Variants in HS6ST2 observed in about 807,000 individuals in gnomAD.
HS6ST2 encodes the protein heparan sulfate 6-O-sulfotransferase 2, also known as heparan-sulfate 6-O-sulfotransferase 2.
A neutral mutation model predicts 33.0 loss-of-function variants in HS6ST2; 17 were observed. That is an observed-to-expected ratio of 0.52 (90% CI 0.35 to 0.77). The LOEUF (loss-of-function observed/expected upper bound fraction) is 0.77. Ranked by LOEUF, HS6ST2 falls within the 30% of genes least tolerant of loss-of-function variation. The pLI, the probability that HS6ST2 is intolerant of heterozygous loss-of-function variation, is 0.01. For missense variants in HS6ST2, 519 were observed against 551.7 expected, an observed-to-expected ratio of 0.94 and a Z score of 0.59; for synonymous variants, 248 against 237.1, an observed-to-expected ratio of 1.05 and a Z score of -0.42.
chrX:132,797,188 G>A (rs925296104), intron 2 of HS6ST2, among the ~76,000 whole-genome samples: 7 of 111,680 alleles, frequency 6.3e-5, no homozygotes, highest in African/African-American at 2.3e-4. Context: ...AAGACACAAA[G>A]ATTCAATTAA....
rs930320430 is a variant in HS6ST2 at position 132,628,389 on chromosome X, G to A, written c.1772C>T (p.Pro591Leu). 3.4e-6 allele frequency: 4 copies of A among 1,187,311 alleles called. No homozygotes were observed. Among genetic ancestry groups the A allele is most frequent in the East Asian group, 3.0e-5 (1 of 33,267 alleles). The change falls in exon 5 of 5, where the codon CCG becomes CTG. Residue 591 changes from proline (P) to leucine (L), a missense_variant. Physicochemically the swap from Pro to Leu is moderately conservative, Grantham distance 98. Coordinates refer to ENST00000370833, the MANE Select transcript of HS6ST2 (RefSeq NM_001394073.1). ...PNQNQSQNPN[P>L]NANQNLTQNL... ...CTGAGTCAGGTTCTGATTGGCATTC[G>A]GATTTGGGTTCTGACTCTGATTCTG...
intron 2 of HS6ST2, among the ~76,000 whole-genome samples, chrX:132,831,038 A>G: frequency 8.9e-6 from 1 of 111,959 alleles, no homozygotes; most frequent in East Asian, 2.8e-4. Flanking sequence ...TAAAGATTTC[A>G]AAGAAGATGT....
chrX:132,678,575 G>A (rs2063942653), intron 3 of HS6ST2, among the ~76,000 whole-genome samples: 1 of 112,423 alleles, frequency 8.9e-6, no homozygotes, highest in Admixed American at 9.4e-5. Context: ...AAACTACTTA[G>A]TTATCACACA....
chrX:132,735,830 TTTTA>T (rs760034776), intron 2 of HS6ST2, among the ~76,000 whole-genome samples: 6 of 111,851 alleles, frequency 5.4e-5, no homozygotes, highest in African/African-American at 9.7e-5. Context: ...AACTGTGTGC[TTTTA>T]TTTATTTATT....
intron 2 of HS6ST2, among the ~76,000 whole-genome samples, chrX:132,871,436 A>T (rs2066055888): frequency 8.9e-6 from 1 of 112,171 alleles, no homozygotes; most frequent in Non-Finnish European, 1.9e-5. Flanking sequence ...CTGGGTATAT[A>T]CCCAAAGGGT....
intron 2 of HS6ST2, among the ~76,000 whole-genome samples, chrX:132,893,363 CTG>C (rs1293006900): frequency 1.8e-5 from 2 of 112,291 alleles, no homozygotes; most frequent in Non-Finnish European, 3.8e-5. Context: ...ATCTTAGTAA[CTG>C]TCATTTACCA....
intron 2 of HS6ST2, among the ~76,000 whole-genome samples, chrX:132,823,237 G>C (rs966542659): frequency 8.0e-5 from 9 of 111,806 alleles, no homozygotes; most frequent in Non-Finnish European, 1.1e-4. Context: ...CCTCTAAGAA[G>C]TATTTCTCAT....
intron 3 of HS6ST2, among the ~76,000 whole-genome samples, chrX:132,690,602 G>T (rs994084429): frequency 9.0e-6 from 1 of 111,156 alleles, no homozygotes; most frequent in Non-Finnish European, 1.9e-5. Flanking sequence ...TTTATTTTTC[G>T]TGTTTTTGGA....
At chrX:132,811,685 AATATAT>A (rs56390608) in intron 2 of HS6ST2, among the ~76,000 whole-genome samples, 1,959 of 29,784 alleles carry the variant, frequency 0.066, 64 homozygotes, top group Non-Finnish European at 0.083. Context: ...AAGGCTGAAT[AATATAT>A]ATATATATAT....
intron 2 of HS6ST2, among the ~76,000 whole-genome samples, chrX:132,875,787 T>G (rs999432527): frequency 8.9e-6 from 1 of 112,442 alleles, no homozygotes; most frequent in African/African-American, 3.2e-5. Flanking sequence ...AGTAGATGTT[T>G]TATTTTAAAA....
At chrX:132,933,192 G>A (rs918844900) in intron 2 of HS6ST2, among the ~76,000 whole-genome samples, 2 of 109,351 alleles carry the variant, frequency 1.8e-5, no homozygotes, top group East Asian at 2.9e-4. Context: ...GCCAGGCATG[G>A]TGGCATGCGT....
At chrX:132,943,102 C>T (rs1220088530) in intron 2 of HS6ST2, among the ~76,000 whole-genome samples, 1 of 111,867 alleles carries the variant, frequency 8.9e-6, no homozygotes, top group African/African-American at 3.2e-5. Context: ...GCAGAGTTCA[C>T]CTTGAAAGAG....
At position 132,957,216 on chromosome X, in the gene HS6ST2, A is replaced by C. The variant is rs780613709; in HGVS notation, c.539T>G (p.Leu180Arg). Reference protein sequence around the residue: ...QYVCPGTECQLLRLQAFSSPV... With the variant: ...QYVCPGTECQRLRLQAFSSPV... The stretch of plus-strand genomic sequence containing the variant: ...GGAGCTGAACGCCTGCAGGCGGAGG[A>C]GCTGGCATTCTGTGCCGGGGCACAC... Residue 180 changes from leucine to arginine, a missense_variant, in exon 2 of 5, where the codon CTC (leucine) becomes CGC (arginine). By Grantham distance (102) the Leu-to-Arg change is moderately radical. Transcript: ENST00000370833. 8.3e-7 allele frequency: 1 copy of C among 1,209,949 alleles called. No homozygotes were observed. Among genetic ancestry groups the C allele is most frequent in the Non-Finnish European group, 1.1e-6 (1 of 894,482 alleles).
intron 4 of HS6ST2, among the ~76,000 whole-genome samples, chrX:132,654,022 CAAGAT>C (rs1238261517): frequency 9.0e-6 from 1 of 111,326 alleles, no homozygotes; most frequent in African/African-American, 3.3e-5. Flanking sequence ...TTCAATTACA[CAAGAT>C]AAATAAGTTC....
At chrX:132,737,544 G>A (rs1210972341) in intron 2 of HS6ST2, among the ~76,000 whole-genome samples, 3 of 111,546 alleles carry the variant, frequency 2.7e-5, no homozygotes, top group African/African-American at 9.8e-5. Flanking sequence ...GGGAGAGATG[G>A]TCAGGAACTA....
chrX:132,733,288 T>C (rs1471857576), intron 2 of HS6ST2, among the ~76,000 whole-genome samples: 1 of 110,968 alleles, frequency 9.0e-6, no homozygotes, highest in Non-Finnish European at 1.9e-5. Flanking sequence ...AGGAGTTATT[T>C]GCTCATTGAC....
chrX:132,958,114 C>T (rs1413337980), intron 1 of HS6ST2, 61 bp downstream of exon 1: 4 of 1,039,339 alleles, frequency 3.8e-6, no homozygotes, highest in Non-Finnish European at 5.0e-6. Context: ...CCTTCCCTCC[C>T]CGTACAGCAC....
At chrX:132,909,105 C>T (rs1206196438) in intron 2 of HS6ST2, among the ~76,000 whole-genome samples, 1 of 110,552 alleles carries the variant, frequency 9.0e-6, no homozygotes, top group Admixed American at 9.7e-5. Flanking sequence ...AGTCACCAGG[C>T]TGTCATTTCT....
chrX:132,651,007 A>G lies in HS6ST2; in HGVS notation c.1067+18106T>C, dbSNP rs147313761. ...TGTCTTGAACTCCTGGTCTCAAATT[A>G]TCCTCCCACCTTGGCCTCCCAAAGT... On this transcript the variant is annotated intron_variant, in intron 4 of 4. Transcript: ENST00000370833. Among the ~76,000 whole-genome samples, 5 of 111,191 alleles carry G rather than the reference A, an allele frequency of 4.5e-5. No homozygotes were observed. In the East Asian group the frequency reaches 1.4e-3, roughly 32 times the overall value.
Sources: allele counts gnomAD v4.1 joint callset (sites outside exome capture counted in the v4.1 genomes callset), GRCh38; gene constraint gnomAD v4.1.1; transcripts MANE v1.5; gene names NCBI Gene and HGNC (gene_info 2026-07-23, HGNC 2026-07-21).